WWOX: variants seen among roughly 807,000 people sequenced by gnomAD.
WWOX encodes the protein WW domain containing oxidoreductase.
A neutral mutation model predicts 46.2 loss-of-function variants in WWOX; 69 were observed. That is an observed-to-expected ratio of 1.49 (90% CI 1.23 to 1.82). The LOEUF is 1.82. Among genes scored for constraint, WWOX ranks in the 40% most tolerant of loss-of-function variants. The pLI is 0.00. For missense variants in WWOX, 919 were observed against 542.6 expected, an observed-to-expected ratio of 1.69 and a Z score of -6.89; for synonymous variants, 359 against 202.6, an observed-to-expected ratio of 1.77 and a Z score of -6.56.
At chr16:78,198,525 G>T (rs1046044576) in intron 5 of WWOX, among the ~76,000 whole-genome samples, 1 of 152,154 alleles carries the variant, frequency 6.6e-6, no homozygotes, top group Non-Finnish European at 1.5e-5. Flanking sequence ...TTCTCTGGAT[G>T]TTGGCTGCAG....
rs769747074 is a variant in WWOX at position 79,211,609 on chromosome 16, A to G, written c.1058A>G (p.Gln353Arg). 3 of 1,614,142 alleles carry G rather than the reference A, an allele frequency of 1.9e-6. No individual in the cohort carries two copies. The South Asian group carries it at 3.3e-5, about 18-fold the overall frequency. ...TTGTCTTTCTTCTTGGATTTCCAGC[A>G]ACAGGGAGCTGCCACCACCGTGTAC... ...TLARPFTKSM[Q>R]QGAATTVYCA... Residue 353 changes from glutamine (Q) to arginine (R), a missense_variant and splice_region_variant, in exon 9 of 9, where the codon CAA becomes CGA. Gln to Arg is a conservative substitution (Grantham distance 43). Transcript: ENST00000566780.
chr16:78,172,328 A>G (rs1177270696), intron 5 of WWOX, among the ~76,000 whole-genome samples: 2 of 152,098 alleles, frequency 1.3e-5, no homozygotes, highest in African/African-American at 4.8e-5. Context: ...TCGTGTATTT[A>G]CTGTTCTACT....
intron 8 of WWOX, among the ~76,000 whole-genome samples, chr16:79,164,040 A>G (rs893359933): frequency 6.6e-6 from 1 of 152,256 alleles, no homozygotes; most frequent in Non-Finnish European, 1.5e-5. Flanking sequence ...AGGCATATAC[A>G]TAATAGGCAG....
intron 8 of WWOX, among the ~76,000 whole-genome samples, chr16:78,539,207 A>G (rs980287178): frequency 2.6e-5 from 4 of 152,234 alleles, no homozygotes; most frequent in African/African-American, 9.6e-5. Context: ...CTCAATAAAT[A>G]TGTGTTCAAC....
intron 8 of WWOX, among the ~76,000 whole-genome samples, chr16:79,019,584 A>T (rs1391999815): frequency 6.6e-6 from 1 of 152,020 alleles, no homozygotes; most frequent in African/African-American, 2.4e-5. Context: ...GAAAAAACAA[A>T]AGCAGAAAGC....
At chr16:78,265,395 G>GA (rs1285119762) in intron 5 of WWOX, among the ~76,000 whole-genome samples, 1 of 152,070 alleles carries the variant, frequency 6.6e-6, no homozygotes, top group African/African-American at 2.4e-5. Context: ...AAATATCTTG[G>GA]AACGGGCAGG....
chr16:78,586,448 G>C (rs2045211381), intron 8 of WWOX, among the ~76,000 whole-genome samples: 1 of 152,080 alleles, frequency 6.6e-6, no homozygotes, highest in South Asian at 2.1e-4. Flanking sequence ...TTTTCTACTT[G>C]AATTCTATTT....
At chr16:78,873,613 C>G (rs1298898017) in intron 8 of WWOX, 1 of 151,878 alleles carries the variant, frequency 6.6e-6, no homozygotes, top group Admixed American at 6.6e-5. Flanking sequence ...ATACTGACAC[C>G]TCATCTCTAT....
intron 8 of WWOX, among the ~76,000 whole-genome samples, chr16:79,024,649 A>G (rs982106068): frequency 6.6e-6 from 1 of 151,888 alleles, no homozygotes; most frequent in African/African-American, 2.4e-5. Flanking sequence ...GTTAGCCAGG[A>G]TGGTCTTCAT....
At chr16:78,775,557 C>A (rs1030495329) in intron 8 of WWOX, among the ~76,000 whole-genome samples, 1 of 152,110 alleles carries the variant, frequency 6.6e-6, no homozygotes, top group African/African-American at 2.4e-5. Context: ...AACTGCTCAT[C>A]CCGTCTACAA....
intron 8 of WWOX, among the ~76,000 whole-genome samples, chr16:78,914,854 G>C (rs187626739): frequency 2.1e-5 from 3 of 146,234 alleles, no homozygotes; most frequent in East Asian, 2.0e-4. Context: ...ACTCCCGCCC[G>C]GGTGACAGAG....
chr16:78,645,636 A>C (rs2738587), intron 8 of WWOX, among the ~76,000 whole-genome samples: 132,043 of 151,950 alleles, frequency 0.87, 57,870 homozygotes, highest in Middle Eastern at 0.93. Flanking sequence ...GGTGCCAGAG[A>C]CTTTAAAAGA....
chr16:78,653,226 T>C (rs1011550421), intron 8 of WWOX, among the ~76,000 whole-genome samples: 2 of 152,214 alleles, frequency 1.3e-5, no homozygotes, highest in Admixed American at 6.5e-5. Flanking sequence ...TTTCCTAAGA[T>C]TACACCATGT....
At chr16:78,920,463 C>A (rs746325365) in intron 8 of WWOX, among the ~76,000 whole-genome samples, 1 of 152,156 alleles carries the variant, frequency 6.6e-6, no homozygotes, top group Non-Finnish European at 1.5e-5. Context: ...CTGTGATTTT[C>A]GCTGACCCCG....
intron 8 of WWOX, among the ~76,000 whole-genome samples, chr16:78,838,467 G>T (rs147317716): frequency 6.2e-4 from 94 of 152,300 alleles, no homozygotes; most frequent in Non-Finnish European, 3.1e-4. Flanking sequence ...TACTATAAAA[G>T]AGTGAAAAAG....
At chr16:78,708,429 C>T (rs772948137) in intron 8 of WWOX, among the ~76,000 whole-genome samples, 3 of 152,154 alleles carry the variant, frequency 2.0e-5, no homozygotes, top group Non-Finnish European at 4.4e-5. Flanking sequence ...TTCTGCCCTG[C>T]TGTGTCACAG....
chr16:78,635,108 T>C (rs2046536475), intron 8 of WWOX, among the ~76,000 whole-genome samples: 2 of 152,134 alleles, frequency 1.3e-5, no homozygotes, highest in Non-Finnish European at 2.9e-5. Context: ...CGCCAGGAAG[T>C]CAGATTTCAA....
chr16:78,537,930 A>C (rs2043798492), intron 8 of WWOX, among the ~76,000 whole-genome samples: 1 of 152,148 alleles, frequency 6.6e-6, no homozygotes, highest in African/African-American at 2.4e-5. Flanking sequence ...ACCTTACAGC[A>C]GCCCCGGCCT....
rs935400373 is a variant in WWOX at position 78,671,709 on chromosome 16, G to A, written c.1056+238957G>A. 2.0e-5 allele frequency among the ~76,000 whole-genome samples: 3 copies of A among 152,204 alleles called. No homozygotes were observed. The East Asian group carries it at 5.8e-4, about 29-fold the overall frequency. The stretch of plus-strand genomic sequence containing the variant: ...GCATAGTGCCTGATTCAGAGTAAGT[G>A]ACCAATAAATAGCTACCCTTACTAT... On this transcript the variant is annotated intron_variant, in intron 8 of 8. Transcript: ENST00000566780.
Sources: allele counts gnomAD v4.1 joint callset (sites outside exome capture counted in the v4.1 genomes callset), GRCh38; gene constraint gnomAD v4.1.1; transcripts MANE v1.5; gene names NCBI Gene and HGNC (gene_info 2026-07-23, HGNC 2026-07-21).